The following TMTC2 variants were observed in gnomAD, a reference collection of about 807,000 sequenced individuals.
TMTC2 encodes the protein transmembrane O-mannosyltransferase targeting cadherins 2.
A neutral mutation model predicts 82.4 loss-of-function variants in TMTC2; 43 were observed. The ratio of observed to expected loss-of-function variants is 0.52; its 90% CI spans 0.41 to 0.67. TMTC2 has a LOEUF of 0.67. TMTC2 is among the 30% of genes least tolerant of loss of function. The probability of loss-of-function intolerance (pLI) is 0.00; values close to 1 mark genes in which losing one functional copy is unlikely to be tolerated. For synonymous variants in TMTC2, 408 were observed against 381.9 expected (o/e 1.07, Z -0.80); for missense variants, 919 against 1,012.4 (o/e 0.91, Z 1.25).
chr12:82,877,533 G>C (rs1487792001), intron 2 of TMTC2, among the ~76,000 whole-genome samples: 1 of 152,056 alleles, frequency 6.6e-6, no homozygotes, highest in African/African-American at 2.4e-5. Context: ...TTGTTGTGGG[G>C]AACATGCAAG....
chr12:82,862,470 A>G (rs1221283273), intron 2 of TMTC2, among the ~76,000 whole-genome samples: 1 of 152,238 alleles, frequency 6.6e-6, no homozygotes, highest in Non-Finnish European at 1.5e-5. Context: ...CTAACACAAG[A>G]TAGTTTAGAA....
intron 1 of TMTC2, among the ~76,000 whole-genome samples, chr12:82,854,229 C>G (rs1871134966): frequency 1.3e-5 from 2 of 152,172 alleles, no homozygotes; most frequent in African/African-American, 2.4e-5. Flanking sequence ...TCAACTGTTA[C>G]TAGTTAACAC....
chr12:83,092,859 G>A (rs1256322890), intron 11 of TMTC2, among the ~76,000 whole-genome samples: 1 of 152,192 alleles, frequency 6.6e-6, no homozygotes, highest in African/African-American at 2.4e-5. Flanking sequence ...CAGCGGCAAA[G>A]CTGAACAAAA....
chr12:83,075,894 T>C (rs912339116), intron 11 of TMTC2, among the ~76,000 whole-genome samples: 3 of 152,256 alleles, frequency 2.0e-5, no homozygotes, highest in African/African-American at 7.2e-5. Context: ...ACTTCTCTCT[T>C]CTGACATTTT....
chr12:83,082,128 G>A (rs1883493602), intron 11 of TMTC2, among the ~76,000 whole-genome samples: 1 of 152,168 alleles, frequency 6.6e-6, no homozygotes, highest in South Asian at 2.1e-4. Context: ...CATCTACATT[G>A]AAGCTGCTGA....
chr12:82,995,888 T>C (rs558126215), intron 8 of TMTC2, among the ~76,000 whole-genome samples: 16 of 152,300 alleles, frequency 1.1e-4, no homozygotes, highest in African/African-American at 3.4e-4. Flanking sequence ...CCTCCTTCCT[T>C]GAATCCCCCA....
At position 83,132,429 on chromosome 12, in the gene TMTC2, C is replaced by G. The variant is rs767272374; in HGVS notation, c.*40C>G. 6.2e-7 allele frequency: 1 copy of G among 1,606,502 alleles called. No homozygotes were observed. The highest frequency in any genetic ancestry group is 1.1e-5 in the South Asian group (1 of 90,008). ...GCCCATCCTCCTCCATTTTTAAAAG[C>G]TGGCTTCCTTAGCAGACAGAACTTC... is the stretch of plus-strand genomic sequence containing the variant. On this transcript the variant is annotated 3_prime_UTR_variant, in exon 12 of 12. Transcript: ENST00000321196.
rs374062754 is a variant in TMTC2, at chr12:82,801,831, C to G, written c.84-55179C>G. Among the ~76,000 whole-genome samples the G allele has an allele frequency of 8.5e-5, 13 of 152,208 alleles. 2 individuals are homozygous for G. The highest frequency in any genetic ancestry group is 3.1e-4 in the African/African-American group (13 of 41,554). ...AGTGTCGATTGGTGCATTCACAAAC[C>G]CTGAGCTAGACGCAGGGTGCTGATT... On this transcript the variant is annotated intron_variant, in intron 1 of 11. Transcript: ENST00000321196.
intron 11 of TMTC2, among the ~76,000 whole-genome samples, chr12:83,072,297 A>T (rs1030272592): frequency 6.6e-6 from 1 of 152,018 alleles, no homozygotes. Flanking sequence ...TTTAATTTCT[A>T]TATTTGCATG....
chr12:82,806,769 G>T (rs543678307), intron 1 of TMTC2, among the ~76,000 whole-genome samples: 2 of 152,158 alleles, frequency 1.3e-5, no homozygotes. Context: ...CTCCATCCTC[G>T]TTGTCTTCAC....
chr12:82,693,438 G>C (rs893513956), intron 1 of TMTC2, among the ~76,000 whole-genome samples: 3 of 152,046 alleles, frequency 2.0e-5, no homozygotes, highest in African/African-American at 7.2e-5. Flanking sequence ...TTTCCTACTT[G>C]TTCAGGACAG....
At chr12:82,953,529 C>T (rs1877459275) in intron 4 of TMTC2, among the ~76,000 whole-genome samples, 1 of 152,068 alleles carries the variant, frequency 6.6e-6, no homozygotes, top group Non-Finnish European at 1.5e-5. Flanking sequence ...ATTATCAGTC[C>T]TGTTGAATGA....
chr12:82,941,863 G>A (rs1018152156), intron 4 of TMTC2, among the ~76,000 whole-genome samples: 3 of 152,022 alleles, frequency 2.0e-5, no homozygotes, highest in African/African-American at 4.8e-5. Flanking sequence ...AGGTTCAAGC[G>A]ATTCTCCTGA....
intron 1 of TMTC2, among the ~76,000 whole-genome samples, chr12:82,815,705 A>G (rs764384922): frequency 3.3e-5 from 5 of 152,016 alleles, no homozygotes; most frequent in Non-Finnish European, 7.4e-5. Flanking sequence ...CAGGAATGAA[A>G]GTTTGTAGGC....
At chr12:82,840,448 T>A (rs531714430) in intron 1 of TMTC2, among the ~76,000 whole-genome samples, 2 of 152,374 alleles carry the variant, frequency 1.3e-5, no homozygotes, top group South Asian at 4.1e-4. Flanking sequence ...CATCTTCCAT[T>A]CTTATGTTTA....
intron 4 of TMTC2, among the ~76,000 whole-genome samples, chr12:82,940,626 G>T (rs778493173): frequency 2.7e-5 from 4 of 149,860 alleles, no homozygotes; most frequent in Non-Finnish European, 5.9e-5. Flanking sequence ...TTTTCCTCTG[G>T]TGGGGCCTCT....
intron 2 of TMTC2, among the ~76,000 whole-genome samples, chr12:82,867,426 TAAAG>T (rs1445268449): frequency 2.6e-5 from 4 of 152,254 alleles, no homozygotes; most frequent in African/African-American, 2.4e-5. Context: ...TACTGTAAAT[TAAAG>T]AAAACAGTAC....
At position 83,132,314 on chromosome 12, in the gene TMTC2, T is replaced by C. The variant is rs1388381546; in HGVS notation, c.2436T>C (p.Asp812=). Residue 812 remains aspartate, a synonymous_variant, in exon 12 of 12, where the codon GAT becomes GAC. Coordinates refer to ENST00000321196, the MANE Select transcript of TMTC2 (RefSeq NM_152588.3). ...YLRALQLKPD[D]VITQSNLRKL... is the part of the protein sequence containing the mutation. Reference sequence around the variant, plus strand: ...GGGCCCTGCAGCTCAAGCCAGACGATGTCATCACACAGTCCAATCTCCGCA... The same window carrying C: ...GGGCCCTGCAGCTCAAGCCAGACGACGTCATCACACAGTCCAATCTCCGCA... 3.1e-6 allele frequency: 5 copies of C among 1,613,936 alleles called. No individual in the cohort carries two copies. Among genetic ancestry groups the C allele is most frequent in the African/African-American group, 2.7e-5 (2 of 74,914 alleles).
At chr12:83,068,742 G>T (rs1883008059) in intron 11 of TMTC2, among the ~76,000 whole-genome samples, 1 of 151,860 alleles carries the variant, frequency 6.6e-6, no homozygotes, top group Admixed American at 6.6e-5. Flanking sequence ...ATAAGTTGGG[G>T]TACAGGCAGT....
Sources: gnomAD v4.1 joint callset for allele counts (sites outside exome capture counted in the v4.1 genomes callset) on GRCh38, gnomAD v4.1.1 for gene constraint, MANE v1.5 for transcripts, NCBI Gene and HGNC (gene_info 2026-07-23, HGNC 2026-07-21) for gene names.